FAM78B: variants seen among roughly 807,000 people sequenced by gnomAD.
The protein encoded by FAM78B is family with sequence similarity 78 member B, also known as protein FAM78B.
FAM78B carries 10 observed loss-of-function variants against 20.0 expected under a neutral mutation model. That is an observed-to-expected ratio of 0.50 (90% CI 0.31 to 0.85). The LOEUF (loss-of-function observed/expected upper bound fraction) is 0.85, where lower values mean the gene tolerates loss of function less well. Ranked by LOEUF, FAM78B falls within the 40% of genes least tolerant of loss-of-function variation. The probability of loss-of-function intolerance (pLI) is 0.05; values close to 1 mark genes in which losing one functional copy is unlikely to be tolerated. For missense variants in FAM78B, 283 were observed against 345.0 expected (o/e 0.82, Z 1.42); for synonymous variants, 135 against 132.8 (o/e 1.02, Z -0.12).
chr1:166,129,685 G>A (rs895835929), intron 1 of FAM78B, among the ~76,000 whole-genome samples: 8 of 152,080 alleles, frequency 5.3e-5, no homozygotes, highest in Middle Eastern at 3.4e-3. Context: ...TAGTCCTCTC[G>A]TCCTCTTCCC....
intron 1 of FAM78B, among the ~76,000 whole-genome samples, chr1:166,116,719 T>G (rs959052858): frequency 1.1e-4 from 16 of 152,356 alleles, no homozygotes; most frequent in Non-Finnish European, 2.2e-4. Context: ...GGAGTTGTCC[T>G]ACAGTAATCT....
At chr1:166,160,676 T>C (rs1275521779) in intron 1 of FAM78B, among the ~76,000 whole-genome samples, 1 of 152,252 alleles carries the variant, frequency 6.6e-6, no homozygotes, top group Non-Finnish European at 1.5e-5. Context: ...ACATTATTTG[T>C]TGAAGAGGAC....
At chr1:166,080,713 C>T (rs1025644363) in intron 1 of FAM78B, among the ~76,000 whole-genome samples, 3 of 152,210 alleles carry the variant, frequency 2.0e-5, no homozygotes, top group Non-Finnish European at 2.9e-5. Context: ...TTTCATCTAA[C>T]GTGAAGGAGA....
intron 1 of FAM78B, among the ~76,000 whole-genome samples, chr1:166,158,066 A>G (rs780512870): frequency 6.6e-6 from 1 of 152,234 alleles, no homozygotes; most frequent in Non-Finnish European, 1.5e-5. Context: ...GAGGAAATAC[A>G]GAAATCAGAG....
chr1:166,070,098 T>C lies in FAM78B; in HGVS notation c.*143A>G. On this transcript the variant is annotated 3_prime_UTR_variant, in exon 2 of 2. Transcript: ENST00000354422. ...GGTTCTACCACCCAAGGAGCAGCCC[T>C]ACTCTTCAAAAGTGGCTGCAAAGGC... 2 of 1,381,518 alleles carry C rather than the reference T, an allele frequency of 1.4e-6. No individual in the cohort carries two copies. The highest frequency in any genetic ancestry group is 1.9e-6 in the Non-Finnish European group (2 of 1,062,318). 85.6% of individuals were successfully genotyped at this position (1,381,518 alleles called of 1,614,324 possible).
intron 1 of FAM78B, among the ~76,000 whole-genome samples, chr1:166,133,618 C>T (rs1055070355): frequency 3.4e-5 from 5 of 144,936 alleles, no homozygotes; most frequent in African/African-American, 5.1e-5. Flanking sequence ...AAAAAAGAAC[C>T]GTAAATATAA....
rs963972992 is a variant in FAM78B at position 166,118,643 on chromosome 1, T to G, written c.263+47343A>C. Among the ~76,000 whole-genome samples, 5 of 152,292 alleles carry G rather than the reference T, an allele frequency of 3.3e-5. No homozygotes were observed. In the South Asian group the frequency reaches 1.0e-3, roughly 32 times the overall value. Reference sequence around the variant, plus strand: ...GGCTATCACGGCAGAGCTGAGTGGTTGCAAAAGAGACCTTACAGCTCACTA... The same window carrying G: ...GGCTATCACGGCAGAGCTGAGTGGTGGCAAAAGAGACCTTACAGCTCACTA... On this transcript the variant is annotated intron_variant, in intron 1 of 1. Transcript: ENST00000354422.
chr1:166,159,948 T>C (rs1349305208), intron 1 of FAM78B, among the ~76,000 whole-genome samples: 1 of 152,216 alleles, frequency 6.6e-6, no homozygotes, highest in East Asian at 1.9e-4. Flanking sequence ...CTCAGGACTT[T>C]AATAAAGGAA....
At chr1:166,096,258 G>A (rs775240408) in intron 1 of FAM78B, among the ~76,000 whole-genome samples, 1 of 152,172 alleles carries the variant, frequency 6.6e-6, no homozygotes, top group South Asian at 2.1e-4. Context: ...TTGGGTCTTG[G>A]AGTTCTACTA....
chr1:166,104,052 C>G (rs61835097), intron 1 of FAM78B, among the ~76,000 whole-genome samples: 1 of 152,114 alleles, frequency 6.6e-6, no homozygotes, highest in East Asian at 1.9e-4. Context: ...GTTCAACATA[C>G]GCAAATCAAT....
chr1:166,092,829 C>T (rs1275565798), intron 1 of FAM78B, among the ~76,000 whole-genome samples: 1 of 152,158 alleles, frequency 6.6e-6, no homozygotes, highest in Non-Finnish European at 1.5e-5. Flanking sequence ...AAATGCCATT[C>T]TAATACACAT....
chr1:166,144,705 G>C (rs1655397995), intron 1 of FAM78B, among the ~76,000 whole-genome samples: 1 of 152,090 alleles, frequency 6.6e-6, no homozygotes. Context: ...ATTTTCTCCA[G>C]CAACAAGGTG....
At chr1:166,087,736 A>G (rs747000881) in intron 1 of FAM78B, among the ~76,000 whole-genome samples, 8 of 152,190 alleles carry the variant, frequency 5.3e-5, no homozygotes, top group Non-Finnish European at 1.2e-4. Flanking sequence ...TGTGTTGTCA[A>G]TTTTTAAAAG....
chr1:166,061,338 T>A (rs1651590938), intron 2 of FAM78B, among the ~76,000 whole-genome samples: 1 of 152,224 alleles, frequency 6.6e-6, no homozygotes, highest in South Asian at 2.1e-4. Flanking sequence ...CTCTTTTTTT[T>A]TCTTGATCAT....
chr1:166,083,717 TG>T (rs1459356797), intron 1 of FAM78B, among the ~76,000 whole-genome samples: 2 of 151,496 alleles, frequency 1.3e-5, no homozygotes, highest in African/African-American at 4.9e-5. Context: ...TTGATCAGGA[TG>T]GTCTCGATCT....
intron 1 of FAM78B, among the ~76,000 whole-genome samples, chr1:166,153,031 T>C (rs113259381): frequency 1.1e-4 from 16 of 152,230 alleles, no homozygotes; most frequent in African/African-American, 3.6e-4. Flanking sequence ...TCTAGCTGAG[T>C]TGCCCCTTTA....
intron 1 of FAM78B, among the ~76,000 whole-genome samples, chr1:166,160,645 T>C (rs1355910818): frequency 6.6e-6 from 1 of 152,258 alleles, no homozygotes; most frequent in Non-Finnish European, 1.5e-5. Flanking sequence ...AGGTTTAACA[T>C]GAAAAGCTAA....
At chr1:166,098,046 A>C (rs965025295) in intron 1 of FAM78B, among the ~76,000 whole-genome samples, 2 of 152,186 alleles carry the variant, frequency 1.3e-5, no homozygotes, top group Non-Finnish European at 2.9e-5. Context: ...ATAGACCCAC[A>C]TCACAGGACT....
At chr1:166,098,389 G>T (rs1330789425) in intron 1 of FAM78B, among the ~76,000 whole-genome samples, 1 of 152,034 alleles carries the variant, frequency 6.6e-6, no homozygotes, top group African/African-American at 2.4e-5. Context: ...AAACGAAGAA[G>T]AAACACCTGA....
Sources: gnomAD v4.1 joint callset for allele counts (sites outside exome capture counted in the v4.1 genomes callset) on GRCh38, gnomAD v4.1.1 for gene constraint, MANE v1.5 for transcripts, NCBI Gene and HGNC (gene_info 2026-07-23, HGNC 2026-07-21) for gene names.